Variants in TBC1D30 observed in about 807,000 individuals in gnomAD.
TBC1D30 encodes the protein TBC1 domain family member 30.
TBC1D30 carries 31 observed loss-of-function variants against 63.2 expected under a neutral mutation model. The ratio of observed to expected loss-of-function variants is 0.49; its 90% CI spans 0.37 to 0.66. The LOEUF is 0.66. TBC1D30 is among the 30% of genes least tolerant of loss of function. The probability of loss-of-function intolerance (pLI) is 0.00; values close to 1 mark genes in which losing one functional copy is unlikely to be tolerated. For missense variants in TBC1D30, 810 were observed against 953.6 expected (o/e 0.85, Z 1.98); for synonymous variants, 307 against 361.5 (o/e 0.85, Z 1.71).
rs2136351985 is a variant in TBC1D30 at position 64,824,694 on chromosome 12, C to T, written c.-186C>T. The T allele has an allele frequency of 4.1e-6, 3 of 735,264 alleles. No individual in the cohort carries two copies. The highest frequency in any genetic ancestry group is 2.2e-5 in the South Asian group (1 of 44,796). 45.5% of individuals were successfully genotyped at this position (735,264 alleles called of 1,614,324 possible). A position where few individuals can be genotyped will look rare whatever the true frequency, so the allele number is the denominator to read the frequency against. ...AGATGCCTGCTGGCTTCCCTGCGCT[C>T]GGCGGCTCCCGCGGTGCCCCGTAAG... On this transcript the variant is annotated 5_prime_UTR_variant, in exon 1 of 12. Coordinates refer to ENST00000539867, the MANE Select transcript of TBC1D30 (RefSeq NM_015279.2).
At chr12:64,832,079 TAGG>T in intron 4 of TBC1D30, 37 bp from the exon 5 acceptor site, 1 of 1,478,618 alleles carries the variant, frequency 6.8e-7, no homozygotes, top group Non-Finnish European at 9.0e-7. Context: ...GAAAGAATAT[TAGG>T]AGTTATTTTT....
intron 2 of TBC1D30, among the ~76,000 whole-genome samples, chr12:64,793,236 G>T (rs144142724): frequency 4.1e-4 from 62 of 151,652 alleles, no homozygotes; most frequent in Non-Finnish European, 8.3e-4. Flanking sequence ...CCAGCTACTC[G>T]GGAGGCTGAG....
chr12:64,843,274 C>CCAG, intron 7 of TBC1D30, 106 bp from the exon 8 acceptor site: 9 of 992,150 alleles, frequency 9.1e-6, no homozygotes, highest in Non-Finnish European at 1.3e-5. Flanking sequence ...GGATTATAGG[C>CCAG]ATGAGCCACC....
chr12:64,864,038 G>A (rs1199688877), intron 8 of TBC1D30, among the ~76,000 whole-genome samples: 1 of 151,728 alleles, frequency 6.6e-6, no homozygotes, highest in Non-Finnish European at 1.5e-5. Context: ...GGAAGCACAG[G>A]TGCTTTTCCC....
intron 2 of TBC1D30, among the ~76,000 whole-genome samples, chr12:64,798,145 A>T (rs575027075): frequency 4.7e-4 from 71 of 152,378 alleles, no homozygotes; most frequent in Admixed American, 4.6e-4. Flanking sequence ...TTATAAATTC[A>T]AAAGTTCTGT....
chr12:64,866,682 T>C, intron 9 of TBC1D30, 82 bp from the exon 10 acceptor site: 1 of 1,327,466 alleles, frequency 7.5e-7, no homozygotes, highest in South Asian at 1.5e-5. Flanking sequence ...ATATATGGCA[T>C]TTAAACCATG....
chr12:64,856,316 C>A (rs1394888109), intron 8 of TBC1D30, among the ~76,000 whole-genome samples: 4 of 152,218 alleles, frequency 2.6e-5, no homozygotes, highest in African/African-American at 2.4e-5. Flanking sequence ...GCCCCACCTC[C>A]AACATTGGAG....
In TBC1D30 at chr12:64,876,474, C is replaced by G. The variant is rs1360103796; in HGVS notation, c.*686C>G. 4.3e-6 allele frequency: 1 copy of G among 231,246 alleles called. No homozygotes were observed. The highest frequency in any genetic ancestry group is 8.7e-6 in the Non-Finnish European group (1 of 114,546). The allele number at this position is 231,246 out of a possible 1,614,324, so 14.3% of individuals were successfully genotyped here. A position where few individuals can be genotyped will look rare whatever the true frequency, so the allele number is the denominator to read the frequency against. On this transcript the variant is annotated 3_prime_UTR_variant, in exon 12 of 12. Coordinates refer to ENST00000539867, the MANE Select transcript of TBC1D30 (RefSeq NM_015279.2). ...CTGAAGATCTTATGCACAGGACACA[C>G]TTGGCATATGCTTTACGCAGTTGCT... is the stretch of plus-strand genomic sequence containing the variant.
intron 2 of TBC1D30, among the ~76,000 whole-genome samples, chr12:64,788,300 C>A (rs1041416795): frequency 2.6e-5 from 4 of 151,980 alleles, no homozygotes; most frequent in African/African-American, 9.7e-5. Flanking sequence ...GATTGATTTA[C>A]ACATGTCAAG....
At chr12:64,783,910 G>A (rs1283715281) in intron 1 of TBC1D30, among the ~76,000 whole-genome samples, 2 of 140,728 alleles carry the variant, frequency 1.4e-5, no homozygotes, top group Non-Finnish European at 3.1e-5. Context: ...TGCCTGCCTC[G>A]GCCCCCTGAA....
intron 1 of TBC1D30, among the ~76,000 whole-genome samples, chr12:64,763,593 G>A (rs979148325): frequency 1.3e-5 from 2 of 150,302 alleles, no homozygotes; most frequent in African/African-American, 4.9e-5. Flanking sequence ...TTATCACTTT[G>A]GTTTTGTATC....
At chr12:64,825,301 G>C in intron 1 of TBC1D30, 1 of 423,342 alleles carries the variant, frequency 2.4e-6, no homozygotes. Flanking sequence ...CCTGCGGCCT[G>C]TGTGCTCGGC....
intron 2 of TBC1D30, among the ~76,000 whole-genome samples, chr12:64,793,175 T>TA (rs1872035446): frequency 6.6e-6 from 1 of 151,358 alleles, no homozygotes; most frequent in African/African-American, 2.4e-5. Context: ...ACCTCATCAC[T>TA]AAAAAAAATA....
intron 8 of TBC1D30, among the ~76,000 whole-genome samples, chr12:64,859,230 A>G (rs1157247420): frequency 6.6e-6 from 1 of 152,076 alleles, no homozygotes; most frequent in Non-Finnish European, 1.5e-5. Flanking sequence ...TATACTGCAT[A>G]AGTGTGAGGG....
intron 1 of TBC1D30, among the ~76,000 whole-genome samples, chr12:64,763,988 T>C (rs1870617066): frequency 6.6e-6 from 1 of 152,198 alleles, no homozygotes; most frequent in South Asian, 2.1e-4. Flanking sequence ...ATAATAGCTG[T>C]GTTAACAGAT....
At chr12:64,765,228 C>T (rs1473578958) in intron 1 of TBC1D30, among the ~76,000 whole-genome samples, 4 of 152,074 alleles carry the variant, frequency 2.6e-5, no homozygotes, top group Non-Finnish European at 5.9e-5. Context: ...CATCGTGGCT[C>T]ACGCCTGTAA....
chr12:64,780,546 T>C (rs1240838541), exon 1 of TBC1D30, among the ~76,000 whole-genome samples: 3 of 152,308 alleles, frequency 2.0e-5, no homozygotes, highest in East Asian at 3.9e-4. Context: ...GAGAGCGCTC[T>C]GGGTAGAGGC....
intron 1 of TBC1D30, among the ~76,000 whole-genome samples, chr12:64,774,212 T>A (rs764450361): frequency 2.6e-5 from 4 of 152,158 alleles, no homozygotes; most frequent in Admixed American, 6.5e-5. Context: ...AATGTCTTTC[T>A]GAAATAAGAT....
intron 2 of TBC1D30, among the ~76,000 whole-genome samples, chr12:64,791,017 A>G (rs1413224212): frequency 6.6e-6 from 1 of 152,262 alleles, no homozygotes; most frequent in Non-Finnish European, 1.5e-5. Context: ...ATAATAGCCA[A>G]AAAGTAGAAA....
Sources: allele counts gnomAD v4.1 joint callset (sites outside exome capture counted in the v4.1 genomes callset), GRCh38; gene constraint gnomAD v4.1.1; transcripts MANE v1.5; gene names NCBI Gene and HGNC (gene_info 2026-07-23, HGNC 2026-07-21).